Variants in ADAMTS20 observed in about 807,000 individuals in gnomAD.
ADAMTS20 encodes the protein ADAM metallopeptidase with thrombospondin type 1 motif 20, also known as A disintegrin and metalloproteinase with thrombospondin motifs 20.
A neutral mutation model predicts 260.1 loss-of-function variants in ADAMTS20; 225 were observed. That is an observed-to-expected ratio of 0.87 (90% confidence interval 0.78 to 0.97). The LOEUF (loss-of-function observed/expected upper bound fraction) is 0.97, where lower values mean the gene tolerates loss of function less well. ADAMTS20 is among the 50% of genes least tolerant of loss of function. The pLI, the probability that ADAMTS20 is intolerant of heterozygous loss-of-function variation, is 0.00. For missense variants in ADAMTS20, 2,400 were observed against 2,337.7 expected, an observed-to-expected ratio of 1.03 and a Z score of -0.55; for synonymous variants, 802 against 769.5, an observed-to-expected ratio of 1.04 and a Z score of -0.70.
Position 43,466,709 on chromosome 12 carries a change from T to G in ADAMTS20, c.1310A>C (p.His437Pro). ...YHVMAPALSFHMSPWSWSNCS... is the reference protein window; with the variant it reads ...YHVMAPALSFPMSPWSWSNCS... The stretch of plus-strand genomic sequence containing the variant: ...GTTTGACCAGCTCCAAGGACTCATG[T>G]GAAAACTTAAAGCAGGGGCCATTAC... The change falls in exon 9 of 39, where the codon CAC becomes CCC. Residue 437 changes from histidine (H) to proline (P), a missense_variant. Coordinates refer to ENST00000389420, the MANE Select transcript of ADAMTS20 (RefSeq NM_025003.5). 6.2e-7 allele frequency: 1 copy of G among 1,612,030 alleles called. No individual in the cohort carries two copies.
chr12:43,508,918 G>C (rs1459155121), intron 3 of ADAMTS20, among the ~76,000 whole-genome samples: 1 of 151,912 alleles, frequency 6.6e-6, no homozygotes, highest in African/African-American at 2.4e-5. Context: ...CCCCAACCCT[G>C]ACAGGCCCCA....
At chr12:43,365,245 G>T (rs1012673769) in intron 37 of ADAMTS20, among the ~76,000 whole-genome samples, 1 of 151,930 alleles carries the variant, frequency 6.6e-6, no homozygotes, top group Admixed American at 6.6e-5. Context: ...TACTTTACAA[G>T]ACATACTAAA....
chr12:43,421,487 T>A (rs560162762), intron 28 of ADAMTS20, among the ~76,000 whole-genome samples: 62 of 152,108 alleles, frequency 4.1e-4, no homozygotes, highest in African/African-American at 1.5e-3. Context: ...ACTTCTAAAA[T>A]GAAACTTAGT....
At chr12:43,486,416 C>A (rs1018790701) in intron 7 of ADAMTS20, among the ~76,000 whole-genome samples, 3 of 152,034 alleles carry the variant, frequency 2.0e-5, no homozygotes, top group African/African-American at 7.2e-5. Context: ...TCACCTTATA[C>A]AAAAATCAAC....
At chr12:43,470,609 T>C (rs914892822) in intron 7 of ADAMTS20, among the ~76,000 whole-genome samples, 1 of 152,200 alleles carries the variant, frequency 6.6e-6, no homozygotes, top group African/African-American at 2.4e-5. Context: ...CCAAGCTTGA[T>C]ACAGGTTCCC....
chr12:43,504,684 C>T (rs1021843587), intron 3 of ADAMTS20, among the ~76,000 whole-genome samples: 3 of 152,208 alleles, frequency 2.0e-5, no homozygotes, highest in Admixed American at 6.5e-5. Context: ...TATCAGGAAA[C>T]ATTTAGGTAT....
chr12:43,461,634 A>G (rs957257000), intron 11 of ADAMTS20, among the ~76,000 whole-genome samples: 2 of 152,130 alleles, frequency 1.3e-5, no homozygotes, highest in Admixed American at 6.5e-5. Flanking sequence ...AACATCTTGG[A>G]GCACATCTTC....
At chr12:43,405,453 A>G (rs1940901269) in intron 28 of ADAMTS20, among the ~76,000 whole-genome samples, 1 of 138,974 alleles carries the variant, frequency 7.2e-6, no homozygotes, top group Admixed American at 7.2e-5. Context: ...AATAATAATA[A>G]TAATAATAAA....
chr12:43,427,141 C>T (rs1253783968), intron 27 of ADAMTS20, among the ~76,000 whole-genome samples, 167 bp downstream of exon 27: 1 of 152,074 alleles, frequency 6.6e-6, no homozygotes, highest in African/African-American at 2.4e-5. Context: ...ACACTGCATT[C>T]CAGCCTGGGC....
At chr12:43,449,792 T>C (rs1397503529) in intron 14 of ADAMTS20, among the ~76,000 whole-genome samples, 2 of 152,184 alleles carry the variant, frequency 1.3e-5, no homozygotes, top group East Asian at 3.9e-4. Context: ...TTTTCACATA[T>C]TCATTTAAAA....
intron 29 of ADAMTS20, among the ~76,000 whole-genome samples, chr12:43,392,691 T>C (rs968324832): frequency 6.6e-6 from 1 of 152,062 alleles, no homozygotes; most frequent in Non-Finnish European, 1.5e-5. Flanking sequence ...TTTCAAATCT[T>C]TTCTTAGTTA....
chr12:43,382,522 T>A (rs920445356), intron 31 of ADAMTS20, among the ~76,000 whole-genome samples: 3 of 152,090 alleles, frequency 2.0e-5, no homozygotes, highest in African/African-American at 7.2e-5. Flanking sequence ...GTGCAGATAT[T>A]TTTTTGGGAG....
At chr12:43,472,775 C>T (rs1347103653) in intron 7 of ADAMTS20, among the ~76,000 whole-genome samples, 1 of 151,708 alleles carries the variant, frequency 6.6e-6, no homozygotes, top group Non-Finnish European at 1.5e-5. Context: ...ACTTTACAAA[C>T]AAGCAAATGC....
chr12:43,405,229 CAAAAAAAAAA>C (rs869040570), intron 28 of ADAMTS20, among the ~76,000 whole-genome samples: 3,899 of 53,014 alleles, frequency 0.074, 182 homozygotes, highest in Middle Eastern at 0.12. Context: ...CTCATCTCTA[CAAAAAAAAAA>C]AAAAAAAAAA....
intron 7 of ADAMTS20, among the ~76,000 whole-genome samples, chr12:43,470,663 G>C (rs1942238706): frequency 1.3e-5 from 2 of 152,142 alleles, no homozygotes. Context: ...ACCCAATCTA[G>C]CCATCCTGAA....
chr12:43,528,325 C>T (rs188253808), intron 3 of ADAMTS20, among the ~76,000 whole-genome samples: 1 of 84,130 alleles, frequency 1.2e-5, no homozygotes, highest in African/African-American at 4.5e-5. Flanking sequence ...AAAAAGGAGA[C>T]CAACAGCCAA....
chr12:43,472,903 C>A (rs1465262317), intron 7 of ADAMTS20, among the ~76,000 whole-genome samples: 53 of 143,676 alleles, frequency 3.7e-4, no homozygotes, highest in Admixed American at 1.3e-3. Flanking sequence ...TAAAGACCAT[C>A]GAGACTAGGA....
chr12:43,490,755 TGTC>T (rs1289619363), intron 6 of ADAMTS20, among the ~76,000 whole-genome samples: 2 of 152,152 alleles, frequency 1.3e-5, no homozygotes, highest in Non-Finnish European at 2.9e-5. Flanking sequence ...GATGATTCAA[TGTC>T]ATCATCAGCT....
chr12:43,547,077 G>T (rs1943450216), intron 2 of ADAMTS20, among the ~76,000 whole-genome samples: 1 of 152,080 alleles, frequency 6.6e-6, no homozygotes, highest in South Asian at 2.1e-4. Flanking sequence ...TAACCATATA[G>T]AAATTAAAAG....
Sources: gnomAD v4.1 joint callset for allele counts (sites outside exome capture counted in the v4.1 genomes callset) on GRCh38, gnomAD v4.1.1 for gene constraint, MANE v1.5 for transcripts, NCBI Gene and HGNC (gene_info 2026-07-23, HGNC 2026-07-21) for gene names.